Variants in GAD1 observed in about 807,000 individuals in gnomAD.
GAD1 encodes the protein 67 kDa glutamic acid decarboxylase.
GAD1 carries 35 observed loss-of-function variants against 75.2 expected under a neutral mutation model. That is an observed-to-expected ratio of 0.47 (90% CI 0.36 to 0.62). GAD1 has a LOEUF of 0.62. GAD1 is among the 20% of genes least tolerant of loss of function. The probability of loss-of-function intolerance (pLI) is 0.00; values close to 1 mark genes in which losing one functional copy is unlikely to be tolerated. For synonymous variants in GAD1, 257 were observed against 271.9 expected, an observed-to-expected ratio of 0.95 and a Z score of 0.54; for missense variants, 490 against 758.5, an observed-to-expected ratio of 0.65 and a Z score of 4.16.
chr2:170,815,484 C>A (rs528212359), upstream of GAD1, among the ~76,000 whole-genome samples: 2 of 152,138 alleles, frequency 1.3e-5, no homozygotes, highest in Non-Finnish European at 2.9e-5. Flanking sequence ...ATGGAACTCT[C>A]GGTAATTTAT....
chr2:170,836,955 C>T lies in GAD1; in HGVS notation c.638+72C>T. The T allele has an allele frequency of 4.9e-6, 5 of 1,027,298 alleles. No individual in the cohort carries two copies. The South Asian group carries it at 6.6e-5, about 14-fold the overall frequency. 63.6% of individuals were successfully genotyped at this position (1,027,298 alleles called of 1,614,324 possible). On this transcript the variant is annotated intron_variant, in intron 6 of 16. Transcript: ENST00000358196. ...GGCTTGTTGCTTTAAAAGTTCAGTCCCAGTGGTTCTATTTTATTAAAGTTT... is the reference window on the plus strand; with the variant it reads ...GGCTTGTTGCTTTAAAAGTTCAGTCTCAGTGGTTCTATTTTATTAAAGTTT...
At chr2:170,822,629 G>T (rs560181807) in intron 3 of GAD1, among the ~76,000 whole-genome samples, 1 of 152,348 alleles carries the variant, frequency 6.6e-6, no homozygotes, top group East Asian at 1.9e-4. Flanking sequence ...CTACATCATC[G>T]CCTACCCCTC....
In GAD1 at chr2:170,859,783, G is replaced by A. The variant is rs1702922099; in HGVS notation, c.1686G>A (p.Lys562=). The A allele has an allele frequency of 1.9e-6, 3 of 1,614,056 alleles. No individual in the cohort carries two copies. Among genetic ancestry groups the A allele is most frequent in the Non-Finnish European group, 1.7e-6 (2 of 1,180,022 alleles). The part of the protein sequence containing the change: ...TMVGYQPQGD[K]ANFFRMVISN... Reference sequence around the variant, plus strand: ...TTGGCTACCAGCCCCAAGGGGACAAGGCCAACTTCTTCCGGATGGTCATCT... The same window carrying A: ...TTGGCTACCAGCCCCAAGGGGACAAAGCCAACTTCTTCCGGATGGTCATCT... The change falls in exon 17 of 17, where the codon AAG becomes AAA. Residue 562 remains lysine, a synonymous_variant. Transcript: ENST00000358196.
intron 3 of GAD1, among the ~76,000 whole-genome samples, chr2:170,827,319 CA>C (rs1272880232): frequency 6.6e-6 from 1 of 152,222 alleles, no homozygotes; most frequent in Non-Finnish European, 1.5e-5. Flanking sequence ...TGTGACTCCG[CA>C]AGTTTCTTGG....
chr2:170,831,869 A>T (rs1346360191), intron 5 of GAD1, among the ~76,000 whole-genome samples: 1 of 150,018 alleles, frequency 6.7e-6, no homozygotes, highest in Non-Finnish European at 1.5e-5. Context: ...CTGTAGTCCC[A>T]GCTACTCAGG....
chr2:170,855,291 C>G lies in GAD1; in HGVS notation c.1413+1269C>G, dbSNP rs1054634429. Among the ~76,000 whole-genome samples, 31 of 151,246 alleles carry G rather than the reference C, an allele frequency of 2.0e-4. 2 individuals are homozygous for G. Among genetic ancestry groups the G allele is most frequent in the Admixed American group, 2.0e-3 (31 of 15,202 alleles). Reference sequence around the variant, plus strand: ...AGGCGCGATCTCTGCTCCCTGCAACCTCCGTCTCCCAGATTCAAGCAGTTC... The same window carrying G: ...AGGCGCGATCTCTGCTCCCTGCAACGTCCGTCTCCCAGATTCAAGCAGTTC... On this transcript the variant is annotated intron_variant, in intron 14 of 16. Coordinates refer to ENST00000358196, the MANE Select transcript of GAD1 (RefSeq NM_000817.3).
rs977181483 is a variant in GAD1, at chr2:170,857,145, C to G, written c.1521+20C>G. 6.4e-7 allele frequency: 1 copy of G among 1,573,832 alleles called. No homozygotes were observed. On this transcript the variant is annotated intron_variant, in intron 15 of 16. Coordinates refer to ENST00000358196, the MANE Select transcript of GAD1 (RefSeq NM_000817.3). The stretch of plus-strand genomic sequence containing the variant: ...GGCGAGGTAGGTAATCATCATGGAC[C>G]AGGTACACAGTATTTCCAGAAAAAC...
intron 6 of GAD1, among the ~76,000 whole-genome samples, chr2:170,837,501 A>T (rs1029666881): frequency 3.3e-5 from 5 of 152,226 alleles, no homozygotes; most frequent in Non-Finnish European, 1.5e-5. Context: ...TATGGGGTAG[A>T]AGTACTACCT....
chr2:170,839,469 C>A (rs1702452734), intron 6 of GAD1, among the ~76,000 whole-genome samples: 1 of 151,886 alleles, frequency 6.6e-6, no homozygotes, highest in Admixed American at 6.6e-5. Flanking sequence ...CAAAAATGAG[C>A]CGGGTGTGGT....
intron 4 of GAD1, among the ~76,000 whole-genome samples, chr2:170,830,294 C>T (rs995344439): frequency 2.0e-5 from 3 of 152,254 alleles, no homozygotes; most frequent in Non-Finnish European, 4.4e-5. Context: ...CTGTGAGCTA[C>T]AGAATTGGGC....
Position 170,860,084 on chromosome 2 carries a change from G to C in GAD1, c.*202G>C. Reference sequence around the variant, plus strand: ...GTTCTTTTTAAAAAGTTGCACATTAGGAACAGAGTATATATGTACAGTTAT... The same window carrying C: ...GTTCTTTTTAAAAAGTTGCACATTACGAACAGAGTATATATGTACAGTTAT... On this transcript the variant is annotated 3_prime_UTR_variant, in exon 17 of 17. Transcript: ENST00000358196. The C allele has an allele frequency of 1.7e-6, 1 of 603,038 alleles. No individual in the cohort carries two copies. Among genetic ancestry groups the C allele is most frequent in the South Asian group, 1.9e-5 (1 of 52,632 alleles). 37.4% of individuals were successfully genotyped at this position (603,038 alleles called of 1,614,324 possible). A position where few individuals can be genotyped will look rare whatever the true frequency, so the allele number is the denominator to read the frequency against.
intron 2 of GAD1, among the ~76,000 whole-genome samples, chr2:170,819,013 C>A (rs2105750809): frequency 6.6e-6 from 1 of 152,148 alleles, no homozygotes; most frequent in South Asian, 2.1e-4. Context: ...GCGCAGGGGG[C>A]GGAATGAAGA....
rs371209815 is a variant in GAD1 at position 170,836,896 on chromosome 2, T to C, written c.638+13T>C. On this transcript the variant is annotated intron_variant, in intron 6 of 16. Transcript: ENST00000358196. ...CCAATACCAACATGTAAGTCTCATA[T>C]GTTTTCATATAAGCAACCCTGATGT... is the stretch of plus-strand genomic sequence containing the variant. The C allele has an allele frequency of 4.1e-5, 66 of 1,590,390 alleles. No individual in the cohort carries two copies. Among genetic ancestry groups the C allele is most frequent in the Non-Finnish European group, 5.0e-5 (58 of 1,158,744 alleles).
chr2:170,819,508 C>A (rs936416859), intron 2 of GAD1, among the ~76,000 whole-genome samples: 3 of 152,094 alleles, frequency 2.0e-5, no homozygotes, highest in African/African-American at 7.2e-5. Flanking sequence ...GCTTCCCTGT[C>A]TTAAGTGCGA....
intron 6 of GAD1, chr2:170,842,904 C>T (rs940051718): frequency 3.9e-5 from 22 of 562,436 alleles, no homozygotes; most frequent in Non-Finnish European, 6.3e-5. Flanking sequence ...AATAGCTTTG[C>T]CTTACATTAA....
At chr2:170,829,947 C>T (rs1702176642) in intron 4 of GAD1, 1 of 365,354 alleles carries the variant, frequency 2.7e-6, no homozygotes, top group Non-Finnish European at 5.1e-6. Context: ...CTAATGATTT[C>T]CTTAATAACG....
chr2:170,852,134 C>T (rs1482941086), intron 12 of GAD1, among the ~76,000 whole-genome samples: 1 of 152,216 alleles, frequency 6.6e-6, no homozygotes, highest in African/African-American at 2.4e-5. Flanking sequence ...CACTTCCCAA[C>T]TCTGTGACTT....
intron 14 of GAD1, among the ~76,000 whole-genome samples, chr2:170,855,474 C>A (rs1702830929): frequency 6.6e-6 from 1 of 151,604 alleles, no homozygotes; most frequent in Non-Finnish European, 1.5e-5. Flanking sequence ...TCCCAAAGTG[C>A]TGGGATTACA....
chr2:170,847,798 T>C lies in GAD1; in HGVS notation c.1119+6T>C. ...ACCTTTGGTTGCATGTCGATGTAAG[T>C]GCTATATAACTCAGGCCAGTCCATG... On this transcript the variant is annotated splice_donor_region_variant and intron_variant, in intron 11 of 16. Transcript: ENST00000358196. The C allele has an allele frequency of 6.3e-7, 1 of 1,591,912 alleles. No individual in the cohort carries two copies. The highest frequency in any genetic ancestry group is 8.6e-7 in the Non-Finnish European group (1 of 1,159,670).
Sources: allele counts gnomAD v4.1 joint callset (sites outside exome capture counted in the v4.1 genomes callset), GRCh38; gene constraint gnomAD v4.1.1; transcripts MANE v1.5; gene names NCBI Gene and HGNC (gene_info 2026-07-23, HGNC 2026-07-21).